NAALADL2: variants seen among roughly 807,000 people sequenced by gnomAD.
The protein encoded by NAALADL2 is inactive N-acetylated-alpha-linked acidic dipeptidase-like protein 2.
Under a neutral mutation model 87.2 loss-of-function variants are expected in NAALADL2, and 76 were observed. The ratio of observed to expected loss-of-function variants is 0.87; its 90% CI spans 0.72 to 1.05. The LOEUF is 1.05. Among genes scored for constraint, NAALADL2 ranks in the 50% least tolerant of loss-of-function variants. NAALADL2 has a pLI of 0.00. For missense variants in NAALADL2, 1,089 were observed against 945.8 expected (o/e 1.15, Z -1.99); for synonymous variants, 354 against 331.0 (o/e 1.07, Z -0.75).
At chr3:175,711,343 T>A (rs1342673800) in intron 11 of NAALADL2, among the ~76,000 whole-genome samples, 1 of 151,908 alleles carries the variant, frequency 6.6e-6, no homozygotes, top group East Asian at 1.9e-4. Context: ...GAGAAAATTT[T>A]ATCAGAATCG....
At chr3:175,625,293 T>C (rs566852962) in intron 10 of NAALADL2, among the ~76,000 whole-genome samples, 1 of 151,972 alleles carries the variant, frequency 6.6e-6, no homozygotes, top group African/African-American at 2.4e-5. Context: ...TCAAACATTA[T>C]GGGTGTTATT....
rs1183393268 is a variant in NAALADL2 at position 174,797,298 on chromosome 3, CTTTTTTCTTTTTTTTTTTTTT to C, written c.-9+59559_-9+59579del. On this transcript the variant is annotated intron_variant, in intron 3 of 3. Coordinates refer to the NAALADL2 transcript ENST00000434257. The stretch of plus-strand genomic sequence containing the variant: ...CTGGGATCTTTTTTCTTTTGTTTTT[CTTTTTTCTTTTTTTTTTTTTT>C]TTTTTTTTTTGAGACAGAGTCTCGC... 3.1e-5 allele frequency among the ~76,000 whole-genome samples: 3 copies of C among 97,728 alleles called. No homozygotes were observed. In the Admixed American group the frequency reaches 3.1e-4, roughly 10 times the overall value. 64.1% of individuals were successfully genotyped at this position (97,728 alleles called of 152,430 possible).
chr3:175,348,996 A>G (rs1448158825), intron 5 of NAALADL2, among the ~76,000 whole-genome samples: 1 of 152,154 alleles, frequency 6.6e-6, no homozygotes, highest in Non-Finnish European at 1.5e-5. Flanking sequence ...TAGTTTTTAC[A>G]TTTTCCCTAT....
At chr3:174,570,862 A>G (rs1714842046) in intron 2 of NAALADL2, among the ~76,000 whole-genome samples, 2 of 152,206 alleles carry the variant, frequency 1.3e-5, no homozygotes, top group South Asian at 4.1e-4. Context: ...TAAGCCCCAT[A>G]GTAAAGAAAT....
intron 1 of NAALADL2, among the ~76,000 whole-genome samples, chr3:174,981,909 G>T (rs74431122): frequency 6.6e-6 from 1 of 151,980 alleles, no homozygotes; most frequent in African/African-American, 2.4e-5. Flanking sequence ...AAGAAAGGCC[G>T]AAAAGAGCGG....
chr3:175,611,545 G>C (rs1280319656), intron 10 of NAALADL2, among the ~76,000 whole-genome samples: 4 of 152,020 alleles, frequency 2.6e-5, no homozygotes, highest in Admixed American at 2.6e-4. Flanking sequence ...ATGTTCAATT[G>C]AAGTTTAATC....
rs190173482 is a variant in NAALADL2, at chr3:175,078,838, C to T, written c.44-17952C>T. Among the ~76,000 whole-genome samples, 427 of 152,258 alleles carry T rather than the reference C, an allele frequency of 2.8e-3. 5 individuals are homozygous for T. The highest frequency in any genetic ancestry group is 0.014 in the East Asian group (75 of 5,184). ...ACATTTTATTTATCCTTCCGTCAGT[C>T]TATGGATATTTCAGTTGTTTCAACT... On this transcript the variant is annotated intron_variant, in intron 1 of 13. Transcript: ENST00000454872.
chr3:174,491,275 T>C (rs960194020), intron 1 of NAALADL2, among the ~76,000 whole-genome samples: 1 of 152,184 alleles, frequency 6.6e-6, no homozygotes, highest in African/African-American at 2.4e-5. Context: ...GCCATGATTA[T>C]ATAGCCATCT....
chr3:175,044,872 TG>T (rs1022176163), intron 1 of NAALADL2, among the ~76,000 whole-genome samples: 1 of 152,024 alleles, frequency 6.6e-6, no homozygotes, highest in African/African-American at 2.4e-5. Context: ...ATTTTTCTGT[TG>T]GTGGAGTCTC....
At chr3:175,456,963 G>T (rs1313114310) in intron 6 of NAALADL2, among the ~76,000 whole-genome samples, 2 of 151,940 alleles carry the variant, frequency 1.3e-5, no homozygotes, top group Non-Finnish European at 2.9e-5. Flanking sequence ...TCCAATCTGG[G>T]TCTATCTGAT....
chr3:175,096,495 CGTGTGTGTGTGTGT>C (rs3067035), intron 1 of NAALADL2, among the ~76,000 whole-genome samples: 17,613 of 143,256 alleles, frequency 0.12, 1,295 homozygotes, highest in African/African-American at 0.21. Flanking sequence ...ATTAATGGGG[CGTGTGTGTGTGTGT>C]GTGTGTGTGT....
At chr3:175,743,488 A>C (rs891719211) in intron 12 of NAALADL2, among the ~76,000 whole-genome samples, 1 of 152,252 alleles carries the variant, frequency 6.6e-6, no homozygotes, top group Non-Finnish European at 1.5e-5. Context: ...TGAGAGAAGG[A>C]CAATGAACTG....
chr3:175,557,594 T>C (rs1377231224), intron 9 of NAALADL2, among the ~76,000 whole-genome samples: 1 of 152,150 alleles, frequency 6.6e-6, no homozygotes. Context: ...TTCTACTCTT[T>C]ATCTCTGAGA....
intron 13 of NAALADL2, among the ~76,000 whole-genome samples, chr3:175,801,420 T>C (rs1209113551): frequency 5.9e-5 from 9 of 152,102 alleles, no homozygotes; most frequent in Admixed American, 3.3e-4. Flanking sequence ...TCTGGCCCTA[T>C]ACTCTGATCT....
At chr3:174,911,510 T>A (rs896443878) in intron 1 of NAALADL2, among the ~76,000 whole-genome samples, 1 of 151,832 alleles carries the variant, frequency 6.6e-6, no homozygotes, top group Non-Finnish European at 1.5e-5. Flanking sequence ...CTGGTAAGAG[T>A]GCCCCAGTGC....
rs956838684 is a variant in NAALADL2 at position 175,803,504 on chromosome 3, A to T, written c.*301A>T. The T allele has an allele frequency of 1.0e-5, 2 of 195,420 alleles. No homozygotes were observed. Among genetic ancestry groups the T allele is most frequent in the African/African-American group, 4.7e-5 (2 of 42,432 alleles). 12.1% of individuals were successfully genotyped at this position (195,420 alleles called of 1,614,324 possible). ...GTACTATTTTAAGGAAAAATTTCCA[A>T]GAAGTTCTGGACTATCTTTGTTCCT... On this transcript the variant is annotated 3_prime_UTR_variant, in exon 14 of 14. Coordinates refer to ENST00000454872, the MANE Select transcript of NAALADL2 (RefSeq NM_207015.3).
intron 2 of NAALADL2, among the ~76,000 whole-genome samples, chr3:175,170,460 A>AAT (rs1209328784): frequency 2.0e-5 from 3 of 146,804 alleles, no homozygotes; most frequent in Admixed American, 6.9e-5. Context: ...AAATAAATAT[A>AAT]ATATATATAA....
At chr3:175,059,914 T>C in intron 1 of NAALADL2, 1 of 403,628 alleles carries the variant, frequency 2.5e-6, no homozygotes, top group Non-Finnish European at 4.9e-6. Context: ...AGAGACTGCT[T>C]CAAATACTGC....
chr3:174,806,589 G>T (rs1719528642), intron 3 of NAALADL2, among the ~76,000 whole-genome samples: 1 of 152,144 alleles, frequency 6.6e-6, no homozygotes, highest in Non-Finnish European at 1.5e-5. Context: ...GGAAAATACA[G>T]TTACCTTTGT....
Sources: allele counts gnomAD v4.1 joint callset (sites outside exome capture counted in the v4.1 genomes callset), GRCh38; gene constraint gnomAD v4.1.1; transcripts MANE v1.5; gene names NCBI Gene and HGNC (gene_info 2026-07-23, HGNC 2026-07-21).